The following CCSER1 variants were observed in gnomAD, a reference collection of about 807,000 sequenced individuals.
CCSER1 encodes the protein serine-rich coiled-coil domain-containing protein 1.
In CCSER1, 41 loss-of-function variants were observed where a neutral mutation model predicts 82.0. The observed-to-expected ratio is 0.50, with a 90% CI of 0.39 to 0.65. CCSER1 has a LOEUF of 0.65. CCSER1 is among the 30% of genes least tolerant of loss of function. The pLI is 0.00. For synonymous variants in CCSER1, 414 were observed against 383.9 expected (o/e 1.08, Z -0.92); for missense variants, 1,119 against 1,064.2 (o/e 1.05, Z -0.72).
chr4:90,346,633 A>G (rs780092727), intron 3 of CCSER1, among the ~76,000 whole-genome samples: 19 of 152,086 alleles, frequency 1.2e-4, no homozygotes, highest in Non-Finnish European at 2.4e-4. Flanking sequence ...AAGCATCAAT[A>G]TGGTCACAAT....
chr4:90,188,152 A>G (rs1403798476), intron 1 of CCSER1, among the ~76,000 whole-genome samples: 3 of 151,920 alleles, frequency 2.0e-5, no homozygotes. Flanking sequence ...ACTCTTCTCC[A>G]TTGCTCATCC....
intron 10 of CCSER1, among the ~76,000 whole-genome samples, chr4:91,593,427 T>C (rs1476128523): frequency 5.3e-5 from 8 of 150,254 alleles, no homozygotes. Flanking sequence ...TTAATATTAA[T>C]GAAATAAATA....
At chr4:91,222,051 G>A (rs1737793348) in intron 10 of CCSER1, among the ~76,000 whole-genome samples, 1 of 151,416 alleles carries the variant, frequency 6.6e-6, no homozygotes, top group African/African-American at 2.4e-5. Context: ...ACAAAGAAAA[G>A]GAGGAAAAAT....
intron 1 of CCSER1, among the ~76,000 whole-genome samples, chr4:90,226,200 G>A (rs1050367936): frequency 6.6e-6 from 1 of 152,234 alleles, no homozygotes; most frequent in African/African-American, 2.4e-5. Context: ...TGGCCTATGT[G>A]AGATCAGCAG....
rs146996234 is a variant in CCSER1, at chr4:90,419,168, A to G, written c.1603+19039A>G. On this transcript the variant is annotated intron_variant, in intron 4 of 10. Coordinates refer to ENST00000509176, the MANE Select transcript of CCSER1 (RefSeq NM_001145065.2). The stretch of plus-strand genomic sequence containing the variant: ...AATTTTCTATTACACTACAATTTTG[A>G]TAACACTTTAGTGAGGATGAAATTG... Among the ~76,000 whole-genome samples, 1,232 of 152,120 alleles carry G rather than the reference A, an allele frequency of 8.1e-3. 11 individuals carry two copies. The highest frequency in any genetic ancestry group is 0.03 in the South Asian group (143 of 4,828).
intron 1 of CCSER1, among the ~76,000 whole-genome samples, chr4:90,243,081 TA>T (rs145867981): frequency 2.4e-4 from 34 of 143,432 alleles, no homozygotes; most frequent in Admixed American, 7.0e-4. Flanking sequence ...TTTTTTTTTT[TA>T]AAATAGGATC....
At chr4:91,406,045 C>G (rs746038456) in intron 10 of CCSER1, among the ~76,000 whole-genome samples, 1 of 152,062 alleles carries the variant, frequency 6.6e-6, no homozygotes, top group South Asian at 2.1e-4. Context: ...TACAACAAAC[C>G]TATGAGAGGT....
At chr4:90,660,114 C>T (rs1422429716) in intron 6 of CCSER1, among the ~76,000 whole-genome samples, 2 of 151,772 alleles carry the variant, frequency 1.3e-5, no homozygotes, top group African/African-American at 4.8e-5. Flanking sequence ...CTATAGGAAA[C>T]AGTATGGCAA....
intron 3 of CCSER1, among the ~76,000 whole-genome samples, chr4:90,394,865 T>C (rs1751736823): frequency 6.6e-6 from 1 of 152,230 alleles, no homozygotes; most frequent in African/African-American, 2.4e-5. Flanking sequence ...TGTACACTGT[T>C]GAATAAATCA....
rs11721496 is a variant in CCSER1, at chr4:91,516,387, C to T, written c.2218-82185C>T. Among the ~76,000 whole-genome samples, 1,218 of 152,034 alleles carry T rather than the reference C, an allele frequency of 8.0e-3. 6 individuals are homozygous for T. The highest frequency in any genetic ancestry group is 0.011 in the African/African-American group (446 of 41,516). On this transcript the variant is annotated intron_variant, in intron 10 of 10. Transcript: ENST00000509176. ...TTCATCTTGAGTTGATTTTTGTATA[C>T]GGTTCAAGGAGGCATCTGGTTTCAA...
At chr4:90,779,022 A>G (rs1391065872) in intron 7 of CCSER1, among the ~76,000 whole-genome samples, 1 of 152,110 alleles carries the variant, frequency 6.6e-6, no homozygotes, top group African/African-American at 2.4e-5. Context: ...TTCCAACCTT[A>G]ACTACTCGTC....
At chr4:90,799,646 G>T (rs1756520950) in intron 7 of CCSER1, among the ~76,000 whole-genome samples, 1 of 152,108 alleles carries the variant, frequency 6.6e-6, no homozygotes, top group African/African-American at 2.4e-5. Flanking sequence ...CCCATATGAT[G>T]GGCAAAACTG....
chr4:91,050,452 A>G (rs1280175049), intron 9 of CCSER1, among the ~76,000 whole-genome samples: 1 of 151,810 alleles, frequency 6.6e-6, no homozygotes, highest in Admixed American at 6.6e-5. Context: ...AAATGCATAG[A>G]CTAAACCATT....
chr4:90,517,311 A>G (rs1772424513), intron 5 of CCSER1, among the ~76,000 whole-genome samples: 1 of 152,102 alleles, frequency 6.6e-6, no homozygotes, highest in Non-Finnish European at 1.5e-5. Context: ...CTTAAGTCAA[A>G]CCATCGTAAG....
intron 1 of CCSER1, among the ~76,000 whole-genome samples, chr4:90,258,511 AAAAC>A (rs200030038): frequency 0.02 from 3,063 of 152,276 alleles, 105 homozygotes; most frequent in African/African-American, 0.07. Context: ...CTCCATCTCA[AAAAC>A]AAACAAACAA....
rs996481012 is a variant in CCSER1 at position 91,426,654 on chromosome 4, G to A, written c.2218-171918G>A. Among the ~76,000 whole-genome samples, 15 of 152,216 alleles carry A rather than the reference G, an allele frequency of 9.9e-5. No homozygotes were observed. In the East Asian group the frequency reaches 2.9e-3, roughly 29 times the overall value. Reference sequence around the variant, plus strand: ...ATTTGAAACCTATATGATAAAATGTGTGCAATTTTAAGAGTATTTTTAATT... The same window carrying A: ...ATTTGAAACCTATATGATAAAATGTATGCAATTTTAAGAGTATTTTTAATT... On this transcript the variant is annotated intron_variant, in intron 10 of 10. Transcript: ENST00000509176.
chr4:90,834,820 G>T (rs1761581760), intron 8 of CCSER1, among the ~76,000 whole-genome samples: 1 of 152,072 alleles, frequency 6.6e-6, no homozygotes, highest in Non-Finnish European at 1.5e-5. Context: ...GTGTAAGCAC[G>T]ATCTTATTTT....
At chr4:90,970,276 TG>T (rs1205174570) in intron 9 of CCSER1, among the ~76,000 whole-genome samples, 1 of 151,656 alleles carries the variant, frequency 6.6e-6, no homozygotes, top group African/African-American at 2.4e-5. Flanking sequence ...GCCATGCAAA[TG>T]GTAACCAAAA....
intron 5 of CCSER1, among the ~76,000 whole-genome samples, chr4:90,598,589 G>A (rs1783653102): frequency 6.6e-6 from 1 of 152,162 alleles, no homozygotes; most frequent in Admixed American, 6.6e-5. Context: ...TTATATATTT[G>A]TTGGCCATTT....
Sources: gnomAD v4.1 joint callset for allele counts (sites outside exome capture counted in the v4.1 genomes callset) on GRCh38, gnomAD v4.1.1 for gene constraint, MANE v1.5 for transcripts, NCBI Gene and HGNC (gene_info 2026-07-23, HGNC 2026-07-21) for gene names.